The following MIA2 variants were observed in gnomAD, a reference collection of about 807,000 sequenced individuals.
The protein encoded by MIA2 is MIA SH3 domain ER export factor 2.
In MIA2, 127 loss-of-function variants were observed where a neutral mutation model predicts 167.8. The observed-to-expected ratio is 0.76, with a 90% confidence interval of 0.66 to 0.88. The LOEUF (loss-of-function observed/expected upper bound fraction) is 0.88, where lower values mean the gene tolerates loss of function less well. Ranked by LOEUF, MIA2 falls within the 40% of genes least tolerant of loss-of-function variation. The pLI is 0.00. For missense variants in MIA2, 1,690 were observed against 1,624.7 expected, an observed-to-expected ratio of 1.04 and a Z score of -0.69; for synonymous variants, 552 against 541.9, an observed-to-expected ratio of 1.02 and a Z score of -0.26.
intron 2 of MIA2, 195 bp downstream of exon 2, chr14:39,237,250 CCTGAGTAG>C (rs1367264329): frequency 1.6e-6 from 1 of 638,694 alleles, no homozygotes; most frequent in South Asian, 1.6e-5. Context: ...ACCTCAGCCT[CCTGAGTAG>C]CTGGGACTAC....
chr14:39,327,043 T>C (rs550198057), intron 25 of MIA2, 21 bp downstream of exon 25: 1 of 1,440,162 alleles, frequency 6.9e-7, no homozygotes, highest in African/African-American at 1.5e-5. Context: ...ACAATAGTTA[T>C]TATTTCTCTT....
rs779222725 is a variant in MIA2, at chr14:39,247,271, C to G, written c.697C>G (p.Gln233Glu). 2 of 1,613,896 alleles carry G rather than the reference C, an allele frequency of 1.2e-6. No homozygotes were observed. The highest frequency in any genetic ancestry group is 3.3e-5 in the Admixed American group (2 of 59,972). Residue 233 changes from glutamine (Q) to glutamate (E), a missense_variant, in exon 4 of 29, where the codon CAA (glutamine) becomes GAA (glutamate). Gln to Glu is a conservative substitution (Grantham distance 29). Coordinates refer to ENST00000640607, the MANE Select transcript of MIA2 (RefSeq NM_001329214.4). ...VKEWFGLGGE[Q>E]AEEKAFESVI... ...AGAATGGTTTGGATTGGGAGGAGAA[C>G]AAGCTGAAGAGAAGGCTTTTGAATC...
In MIA2 at chr14:39,276,893, A is replaced by G. The variant is rs747306756; in HGVS notation, c.1888-41A>G. 1.9e-6 allele frequency: 3 copies of G among 1,600,604 alleles called. No individual in the cohort carries two copies. The African/African-American group carries it at 4.1e-5, about 22-fold the overall frequency. The stretch of plus-strand genomic sequence containing the variant: ...TATGTTTGTAATCAATATTTTTACC[A>G]AAAGTACATTTTTAAGAACTTACTT... On this transcript the variant is annotated intron_variant, in intron 6 of 28. Transcript: ENST00000640607.
chr14:39,310,509 C>G (rs1343326847), intron 18 of MIA2, among the ~76,000 whole-genome samples: 1 of 151,570 alleles, frequency 6.6e-6, no homozygotes, highest in Non-Finnish European at 1.5e-5. Flanking sequence ...AACAGAAGCA[C>G]ACAAAAAAAC....
rs113116177 is a variant in MIA2, at chr14:39,288,968, A to C, written c.2131-2051A>C. ...GGTTTCTTGGTCTGGCTTAGGTATC[A>C]AGGTGATGCTGGACTCATAAAATGT... On this transcript the variant is annotated intron_variant, in intron 9 of 28. Coordinates refer to ENST00000640607, the MANE Select transcript of MIA2 (RefSeq NM_001329214.4). Among the ~76,000 whole-genome samples, 476 of 152,248 alleles carry C rather than the reference A, an allele frequency of 3.1e-3. 4 individuals carry two copies. Among genetic ancestry groups the C allele is most frequent in the African/African-American group, 0.011 (438 of 41,532 alleles).
At position 39,277,737 on chromosome 14, in the gene MIA2, TA is replaced by T. The variant is rs2058323618; in HGVS notation, c.2019+673del. On this transcript the variant is annotated intron_variant, in intron 7 of 28. Transcript: ENST00000640607. ...ATATGTGTGTATATATATATATATA[TA>T]TATATGTGTGTATATATATATATAT... is the stretch of plus-strand genomic sequence containing the variant. 6.4e-4 allele frequency among the ~76,000 whole-genome samples: 3 copies of T among 4,720 alleles called. 1 individual carries two copies. Among genetic ancestry groups the T allele is most frequent in the African/African-American group, 1.8e-3 (2 of 1,136 alleles). The allele number at this position is 4,720 out of a possible 152,430, so 3.1% of individuals were successfully genotyped here. A position where few individuals can be genotyped will look rare whatever the true frequency, so the allele number is the denominator to read the frequency against.
intron 6 of MIA2, among the ~76,000 whole-genome samples, chr14:39,259,290 CT>C (rs2054967425): frequency 3.3e-5 from 5 of 152,194 alleles, no homozygotes. Context: ...CAGAGATGCC[CT>C]GACCAGTGAG....
At chr14:39,255,246 G>C (rs1359428204) in intron 6 of MIA2, among the ~76,000 whole-genome samples, 1 of 152,196 alleles carries the variant, frequency 6.6e-6, no homozygotes, top group East Asian at 1.9e-4. Context: ...CTACAGGCCT[G>C]AGTGTAATCC....
chr14:39,373,344 C>A (rs1348271043), intron 23 of MIA2, among the ~76,000 whole-genome samples: 1 of 143,774 alleles, frequency 7.0e-6, no homozygotes, highest in Non-Finnish European at 1.5e-5. Context: ...GAGGGAAAAC[C>A]AGAAGACATA....
chr14:39,325,623 T>TC (rs1252206177), intron 24 of MIA2, among the ~76,000 whole-genome samples: 1 of 151,898 alleles, frequency 6.6e-6, no homozygotes, highest in Non-Finnish European at 1.5e-5. Context: ...CGCCTTGACC[T>TC]CCCAAAGTGC....
At chr14:39,386,134 G>T (rs1362728305) in intron 23 of MIA2, 2 of 1,315,138 alleles carry the variant, frequency 1.5e-6, no homozygotes, top group South Asian at 1.2e-5. Flanking sequence ...ATCTGACTCT[G>T]AACTAGAGTC....
chr14:39,241,609 T>C (rs7154632), intron 3 of MIA2, among the ~76,000 whole-genome samples: 99,123 of 152,056 alleles, frequency 0.65, 33,752 homozygotes, highest in African/African-American at 0.86. Flanking sequence ...TGTGCCAACA[T>C]GAGCAGCTTC....
At chr14:39,277,722 A>ATATATATATATATATATGTGTGTG (rs2058306507) in intron 7 of MIA2, among the ~76,000 whole-genome samples, 2 of 2,774 alleles carry the variant, frequency 7.2e-4, no homozygotes, top group Admixed American at 6.3e-3. Context: ...ATATGTGTGT[A>ATATATATATATATATATGTGTGTG]TATATATATA....
At chr14:39,332,229 A>G (rs1057445443) in intron 25 of MIA2, among the ~76,000 whole-genome samples, 6 of 152,048 alleles carry the variant, frequency 3.9e-5, no homozygotes, top group African/African-American at 7.3e-5. Context: ...CGACTGATCA[A>G]TTTGGCTATA....
intron 21 of MIA2, 77 bp downstream of exon 21, chr14:39,315,795 A>T: frequency 1.0e-6 from 1 of 974,758 alleles, no homozygotes; most frequent in Non-Finnish European, 1.5e-6. Context: ...TATTTAAATT[A>T]GATGAAAATA....
chr14:39,290,938 G>C, intron 9 of MIA2, 81 bp from the exon 10 acceptor site: 14 of 1,246,854 alleles, frequency 1.1e-5, no homozygotes, highest in Non-Finnish European at 1.6e-5. Context: ...AATGGATTCT[G>C]TCTGCTTCTT....
chr14:39,332,606 C>A (rs2069171884), intron 25 of MIA2, among the ~76,000 whole-genome samples: 1 of 152,116 alleles, frequency 6.6e-6, no homozygotes, highest in Non-Finnish European at 1.5e-5. Flanking sequence ...CTGTTGATGA[C>A]CTTCGGATGG....
chr14:39,317,065 G>C (rs2065601348), intron 21 of MIA2, among the ~76,000 whole-genome samples: 1 of 152,184 alleles, frequency 6.6e-6, no homozygotes, highest in Non-Finnish European at 1.5e-5. Context: ...CAAAGAGACA[G>C]TTAAGCAGTT....
intron 24 of MIA2, among the ~76,000 whole-genome samples, chr14:39,323,519 T>C (rs1253468675): frequency 1.4e-5 from 2 of 145,404 alleles, no homozygotes; most frequent in Non-Finnish European, 3.0e-5. Flanking sequence ...TATTGTACAC[T>C]AACATAAACA....
Sources: gnomAD v4.1 joint callset for allele counts (sites outside exome capture counted in the v4.1 genomes callset) on GRCh38, gnomAD v4.1.1 for gene constraint, MANE v1.5 for transcripts, NCBI Gene and HGNC (gene_info 2026-07-23, HGNC 2026-07-21) for gene names.